CENPP: variants seen among roughly 807,000 people sequenced by gnomAD.
CENPP encodes centromere protein P.
In CENPP, 24 loss-of-function variants were observed where a neutral mutation model predicts 35.6. The observed-to-expected ratio is 0.67, with a 90% CI of 0.49 to 0.95. The LOEUF (loss-of-function observed/expected upper bound fraction) is 0.95, where lower values mean the gene tolerates loss of function less well. Among genes scored for constraint, CENPP ranks in the 40% least tolerant of loss-of-function variants. The pLI, the probability that CENPP is intolerant of heterozygous loss-of-function variation, is 0.00. For synonymous variants in CENPP, 120 were observed against 125.5 expected (o/e 0.96, Z 0.29); for missense variants, 332 against 345.3 (o/e 0.96, Z 0.31).
intron 5 of CENPP, among the ~76,000 whole-genome samples, chr9:92,452,432 C>T (rs1480011118): frequency 1.3e-5 from 2 of 152,234 alleles, no homozygotes; most frequent in African/African-American, 4.8e-5. Flanking sequence ...ACCAGCCTTG[C>T]ATCCCAGGGA....
chr9:92,600,215 T>C (rs1411106502), intron 5 of CENPP: 12 of 1,222,108 alleles, frequency 9.8e-6, no homozygotes, highest in Non-Finnish European at 1.3e-5. Flanking sequence ...TGAGGTTCCA[T>C]ACAAGAACAG....
At chr9:92,330,635 T>C (rs925537130) in intron 1 of CENPP, among the ~76,000 whole-genome samples, 1 of 151,788 alleles carries the variant, frequency 6.6e-6, no homozygotes, top group African/African-American at 2.4e-5. Flanking sequence ...AATACAATTA[T>C]TAGCTAAAAT....
Position 92,389,150 on chromosome 9 carries a change from A to G in CENPP, c.564+9291A>G, listed in dbSNP as rs552931315. 1.4e-4 allele frequency among the ~76,000 whole-genome samples: 22 copies of G among 152,282 alleles called. No homozygotes were observed. The East Asian group carries it at 4.2e-3, about 29-fold the overall frequency. On this transcript the variant is annotated intron_variant, in intron 5 of 7. Coordinates refer to ENST00000375587, the MANE Select transcript of CENPP (RefSeq NM_001012267.3). ...CCTTTTGAATGAGATTATGTCTGTT[A>G]CCAGCAATGGCATGGTCATCATTTT...
intron 5 of CENPP, among the ~76,000 whole-genome samples, chr9:92,606,087 C>G (rs1169875039): frequency 6.6e-6 from 1 of 151,976 alleles, no homozygotes; most frequent in Non-Finnish European, 1.5e-5. Flanking sequence ...ATGGCAAAAC[C>G]CTGTCCCTAT....
intron 5 of CENPP, among the ~76,000 whole-genome samples, chr9:92,533,328 A>AAAATATAT (rs1554683138): frequency 1.6e-4 from 6 of 38,332 alleles, no homozygotes; most frequent in Admixed American, 3.4e-4. Flanking sequence ...AAAAAAAAAA[A>AAAATATAT]ATATATATAT....
chr9:92,331,455 C>G (rs911205782), intron 1 of CENPP, among the ~76,000 whole-genome samples: 2 of 152,232 alleles, frequency 1.3e-5, no homozygotes, highest in Admixed American at 6.5e-5. Context: ...GCTGGGATTA[C>G]AGGCGTGAGC....
chr9:92,618,318 C>A lies in CENPP; in HGVS notation c.*5169C>A. 1 of 456,722 alleles carries A rather than the reference C, an allele frequency of 2.2e-6. No homozygotes were observed. Among genetic ancestry groups the A allele is most frequent in the Non-Finnish European group, 4.4e-6 (1 of 226,974 alleles). The allele number at this position is 456,722 out of a possible 1,614,324, so 28.3% of individuals were successfully genotyped here. ...ATGCCCTCCCCTCCCCTCCTAGTGT[C>A]GTTTCTGCTGAGCAGCTGGTCGTAA... is the stretch of plus-strand genomic sequence containing the variant. On this transcript the variant is annotated 3_prime_UTR_variant, in exon 8 of 8. Transcript: ENST00000375587.
intron 4 of CENPP, among the ~76,000 whole-genome samples, chr9:92,357,450 A>G (rs1279427454): frequency 1.3e-5 from 2 of 148,694 alleles, no homozygotes; most frequent in African/African-American, 2.5e-5. Flanking sequence ...CATCCCTTTG[A>G]TCATCTCCCT....
At chr9:92,605,922 TAA>T (rs1851067432) in intron 5 of CENPP, among the ~76,000 whole-genome samples, 1 of 152,102 alleles carries the variant, frequency 6.6e-6, no homozygotes, top group Non-Finnish European at 1.5e-5. Flanking sequence ...CTAGAATATA[TAA>T]AGAGCTATTA....
chr9:92,546,911 A>G (rs78812865), intron 5 of CENPP, among the ~76,000 whole-genome samples: 5,501 of 152,324 alleles, frequency 0.036, 140 homozygotes, highest in Middle Eastern at 0.075. Context: ...ACAGGTCTCT[A>G]TATTCTTCAC....
chr9:92,426,804 T>TA (rs1243928927), intron 5 of CENPP, among the ~76,000 whole-genome samples: 2 of 152,218 alleles, frequency 1.3e-5, no homozygotes, highest in East Asian at 3.8e-4. Context: ...ATATTTAGCT[T>TA]AATATAGATA....
Position 92,600,546 on chromosome 9 carries a change from G to A in CENPP, c.565-10768G>A, listed in dbSNP as rs780650346. On this transcript the variant is annotated intron_variant, in intron 5 of 7. Transcript: ENST00000375587. ...GGCTGGGCCACCCCACTGGGGCTGG[G>A]GCACATGGAGAATGTTTGGCACAAG... The A allele has an allele frequency of 6.8e-6, 11 of 1,612,492 alleles. 1 individual carries two copies. The South Asian group carries it at 7.7e-5, about 11-fold the overall frequency.
chr9:92,600,145 A>G (rs1850874358), intron 5 of CENPP: 5 of 536,218 alleles, frequency 9.3e-6, no homozygotes, highest in Middle Eastern at 6.4e-4. Context: ...TGAAGTTTGC[A>G]TTTAATGTAA....
intron 5 of CENPP, among the ~76,000 whole-genome samples, chr9:92,400,316 A>AT (rs1399198396): frequency 2.6e-5 from 4 of 151,836 alleles, no homozygotes; most frequent in Non-Finnish European, 4.4e-5. Flanking sequence ...CGCCTGGCTA[A>AT]TTTTTTGTAT....
chr9:92,352,944 A>C (rs549447764), intron 4 of CENPP, among the ~76,000 whole-genome samples: 17 of 152,094 alleles, frequency 1.1e-4, no homozygotes, highest in Non-Finnish European at 2.2e-4. Flanking sequence ...ACCCCTTGTC[A>C]ACTTGAACCC....
Position 92,567,293 on chromosome 9 carries a change from CATG to C in CENPP, c.565-44018_565-44016del, listed in dbSNP as rs200680328. Among the ~76,000 whole-genome samples, 659 of 149,928 alleles carry C rather than the reference CATG, an allele frequency of 4.4e-3. 5 individuals carry two copies. Among genetic ancestry groups the C allele is most frequent in the African/African-American group, 0.015 (603 of 40,906 alleles). On this transcript the variant is annotated intron_variant, in intron 5 of 7. Transcript: ENST00000375587. ...TTGTGATTTCACTTTTCGTTTTCAA[CATG>C]ATTATAAGAGACTAATACTTTTGTA...
At chr9:92,575,811 C>CA (rs551881118) in intron 5 of CENPP, among the ~76,000 whole-genome samples, 3,007 of 137,860 alleles carry the variant, frequency 0.022, 49 homozygotes, top group African/African-American at 0.045. Flanking sequence ...GACTCCATTT[C>CA]AAAAAAAAAA....
At chr9:92,380,308 A>G (rs1251339321) in intron 5 of CENPP, among the ~76,000 whole-genome samples, 2 of 152,200 alleles carry the variant, frequency 1.3e-5, no homozygotes, top group Non-Finnish European at 2.9e-5. Flanking sequence ...AAAGCCTGAT[A>G]TGGGTACTTT....
chr9:92,367,919 A>G (rs780492773), intron 4 of CENPP, among the ~76,000 whole-genome samples: 1 of 152,218 alleles, frequency 6.6e-6, no homozygotes, highest in African/African-American at 2.4e-5. Flanking sequence ...CCTGGCCTAT[A>G]GTAACATTTT....
Sources: allele counts gnomAD v4.1 joint callset (sites outside exome capture counted in the v4.1 genomes callset), GRCh38; gene constraint gnomAD v4.1.1; transcripts MANE v1.5; gene names NCBI Gene and HGNC (gene_info 2026-07-23, HGNC 2026-07-21).